The following CACNA1H variants were observed in gnomAD, a reference collection of about 807,000 sequenced individuals.
The protein encoded by CACNA1H is calcium voltage-gated channel subunit alpha1 H.
Under a neutral mutation model 192.5 loss-of-function variants are expected in CACNA1H, and 149 were observed. The ratio of observed to expected loss-of-function variants is 0.77; its 90% CI spans 0.68 to 0.89. CACNA1H has a LOEUF of 0.89. Ranked by LOEUF, CACNA1H falls within the 40% of genes least tolerant of loss-of-function variation. The pLI, the probability that CACNA1H is intolerant of heterozygous loss-of-function variation, is 0.00. For missense variants in CACNA1H, 4,257 were observed against 3,423.5 expected (o/e 1.24, Z -6.08); for synonymous variants, 2,202 against 1,475.2 (o/e 1.49, Z -11.29).
chr16:1,206,973 C>A, intron 12 of CACNA1H, 28 bp from the exon 13 acceptor site: 1 of 1,425,228 alleles, frequency 7.0e-7, no homozygotes. Flanking sequence ...TGCCTCCACC[C>A]TCAACACGCC....
intron 2 of CACNA1H, among the ~76,000 whole-genome samples, chr16:1,159,035 T>C (rs1962833441): frequency 6.6e-6 from 1 of 152,246 alleles, no homozygotes; most frequent in African/African-American, 2.4e-5. Context: ...TCAGGGCCCC[T>C]GTTCGCCTGC....
At chr16:1,178,425 A>G (rs1965136553) in intron 2 of CACNA1H, among the ~76,000 whole-genome samples, 2 of 151,126 alleles carry the variant, frequency 1.3e-5, no homozygotes, top group South Asian at 2.1e-4. Context: ...CACCCCCCCA[A>G]GTGCCTCAGA....
At chr16:1,158,699 C>T (rs920961607) in intron 2 of CACNA1H, among the ~76,000 whole-genome samples, 4 of 152,286 alleles carry the variant, frequency 2.6e-5, no homozygotes, top group Admixed American at 6.5e-5. Context: ...CTCCCAGACC[C>T]GCTTCTGCGG....
chr16:1,184,557 C>T (rs1333194488), intron 2 of CACNA1H, among the ~76,000 whole-genome samples: 1 of 152,262 alleles, frequency 6.6e-6, no homozygotes, highest in Non-Finnish European at 1.5e-5. Context: ...AGCCTCCAGG[C>T]ATCCCTGCCC....
chr16:1,176,847 C>A (rs775102476), intron 2 of CACNA1H, among the ~76,000 whole-genome samples: 2 of 152,176 alleles, frequency 1.3e-5, no homozygotes, highest in Non-Finnish European at 2.9e-5. Context: ...TCTCTTCACC[C>A]CAGGGGACGG....
At chr16:1,212,260 T>A in intron 25 of CACNA1H, 122 bp downstream of exon 25, 1 of 1,361,574 alleles carries the variant, frequency 7.3e-7, no homozygotes, top group Non-Finnish European at 9.8e-7. Context: ...CCGCCTTGCC[T>A]GGGCCTGCAT....
chr16:1,202,316 C>T lies in CACNA1H; in HGVS notation c.1866C>T (p.Gly622=), dbSNP rs1968048768. The change falls in exon 9 of 35, where the codon GGC becomes GGT. Residue 622 remains glycine, a synonymous_variant. Coordinates refer to ENST00000348261, the MANE Select transcript of CACNA1H (RefSeq NM_021098.3). ...CCACGATCCTGCCCTCAGGGGTGGG[C>T]AGCGGCAAAGGCAGCACCAGCCCCG... The part of the protein sequence containing the change: ...NYPTILPSGV[G]SGKGSTSPGP... 2 of 1,583,246 alleles carry T rather than the reference C, an allele frequency of 1.3e-6. No homozygotes were observed. The highest frequency in any genetic ancestry group is 1.7e-6 in the Non-Finnish European group (2 of 1,167,014).
chr16:1,209,592 A>G (rs1373037079), intron 17 of CACNA1H, 180 bp downstream of exon 17: 1 of 725,078 alleles, frequency 1.4e-6, no homozygotes, highest in Non-Finnish European at 2.2e-6. Flanking sequence ...GCCACAGATG[A>G]TCCCAGAGTC....
chr16:1,184,107 G>C (rs1303316814), intron 2 of CACNA1H, among the ~76,000 whole-genome samples: 1 of 152,206 alleles, frequency 6.6e-6, no homozygotes, highest in Non-Finnish European at 1.5e-5. Context: ...CATTGCACAG[G>C]GTGTAGGCGG....
Position 1,210,987 on chromosome 16 carries a change from T to A in CACNA1H, c.4223+16T>A, listed in dbSNP as rs11644608. On this transcript the variant is annotated intron_variant, in intron 21 of 34. Coordinates refer to ENST00000348261, the MANE Select transcript of CACNA1H (RefSeq NM_021098.3). ...GGCCTCTGAGGTGGGGGGCTCCCCG[T>A]GGGCTCCCGGGGCAACCTGGAAGCA... 4 of 1,589,692 alleles carry A rather than the reference T, an allele frequency of 2.5e-6. No homozygotes were observed. The highest frequency in any genetic ancestry group is 2.6e-6 in the Non-Finnish European group (3 of 1,173,040).
chr16:1,221,085 A>G lies in CACNA1H; in HGVS notation c.*91A>G, dbSNP rs1222461712. On this transcript the variant is annotated 3_prime_UTR_variant, in exon 35 of 35. Transcript: ENST00000348261. ...CAGGCAGAACCCTGCATGGACCCTG[A>G]CTTGGGTCCCGTCGTGAGCAGAAAG... 2 of 1,002,680 alleles carry G rather than the reference A, an allele frequency of 2.0e-6. No homozygotes were observed. The highest frequency in any genetic ancestry group is 2.9e-6 in the Non-Finnish European group (2 of 695,384). The allele number at this position is 1,002,680 out of a possible 1,614,324, so 62.1% of individuals were successfully genotyped here.
chr16:1,155,149 G>T lies in CACNA1H; in HGVS notation c.299+1113G>T, dbSNP rs565900150. ...CTGTACAAAAAAAGTCATAAAGCCCGTGTTTCTCCTTTCTCAAATCCAAAC... is the reference window on the plus strand; with the variant it reads ...CTGTACAAAAAAAGTCATAAAGCCCTTGTTTCTCCTTTCTCAAATCCAAAC... On this transcript the variant is annotated intron_variant, in intron 2 of 34. Coordinates refer to ENST00000348261, the MANE Select transcript of CACNA1H (RefSeq NM_021098.3). 2.6e-5 allele frequency among the ~76,000 whole-genome samples: 4 copies of T among 152,348 alleles called. No individual in the cohort carries two copies. The East Asian group carries it at 5.8e-4, about 22-fold the overall frequency.
At chr16:1,219,938 C>T (rs1010993453) in intron 34 of CACNA1H, 43 bp from the exon 35 acceptor site, 76 of 1,263,270 alleles carry the variant, frequency 6.0e-5, no homozygotes, top group Non-Finnish European at 7.0e-5. Context: ...TGACAGGGCT[C>T]TCCCAGGGCC....
At chr16:1,168,772 C>G (rs1021429760) in intron 2 of CACNA1H, among the ~76,000 whole-genome samples, 1 of 152,080 alleles carries the variant, frequency 6.6e-6, no homozygotes, top group Non-Finnish European at 1.5e-5. Context: ...TCATGGCGCC[C>G]CCCAGCCTTG....
chr16:1,200,233 G>C, intron 6 of CACNA1H, 23 bp from the exon 7 acceptor site: 3 of 1,570,026 alleles, frequency 1.9e-6, no homozygotes, highest in Non-Finnish European at 2.6e-6. Flanking sequence ...GTACCTTTTG[G>C]CCCTGGCTGT....
In CACNA1H at chr16:1,220,919, C is replaced by G. The variant is rs749914526; in HGVS notation, c.6987C>G (p.Pro2329=). ...EKRRGLYLTV[P]QCPLEKPGSP... ...GGCGGGGGCTGTACCTCACAGTCCC[C>G]CAGTGTCCTCTGGAGAAACCAGGGT... Residue 2329 remains proline (P), a synonymous_variant, in exon 35 of 35, where the codon CCC becomes CCG. Transcript: ENST00000348261. 6.2e-7 allele frequency: 1 copy of G among 1,611,500 alleles called. No homozygotes were observed. The highest frequency in any genetic ancestry group is 8.5e-7 in the Non-Finnish European group (1 of 1,179,124).
chr16:1,199,045 G>GGCTCCA, intron 6 of CACNA1H: 1 of 310,548 alleles, frequency 3.2e-6, no homozygotes, highest in East Asian at 5.5e-5. Flanking sequence ...CCATGGCTCC[G>GGCTCCA]CCCACCGCGC....
At chr16:1,197,899 G>A (rs1419399448) in intron 5 of CACNA1H, among the ~76,000 whole-genome samples, 1 of 152,172 alleles carries the variant, frequency 6.6e-6, no homozygotes. Context: ...GTGGGGCTTG[G>A]CTGACCCACT....
At position 1,153,714 on chromosome 16, in the gene CACNA1H, C is replaced by T. The variant is rs28365127; in HGVS notation, c.-18-6C>T. 4.2e-6 allele frequency: 5 copies of T among 1,200,574 alleles called. No individual in the cohort carries two copies. Among genetic ancestry groups the T allele is most frequent in the African/African-American group, 1.6e-5 (1 of 62,642 alleles). 74.4% of individuals were successfully genotyped at this position (1,200,574 alleles called of 1,614,324 possible). Reference sequence around the variant, plus strand: ...CCGGCCCCGGGTCACCCCCTGTCCTCTGCAGGTGCTGCCGGCCGCCACCAT... The same window carrying T: ...CCGGCCCCGGGTCACCCCCTGTCCTTTGCAGGTGCTGCCGGCCGCCACCAT... On this transcript the variant is annotated splice_polypyrimidine_tract_variant and splice_region_variant and intron_variant, in intron 1 of 34. Transcript: ENST00000348261.
Sources: allele counts gnomAD v4.1 joint callset (sites outside exome capture counted in the v4.1 genomes callset), GRCh38; gene constraint gnomAD v4.1.1; transcripts MANE v1.5; gene names NCBI Gene and HGNC (gene_info 2026-07-23, HGNC 2026-07-21).